Variants in RETREG1 observed in about 807,000 individuals in gnomAD.
RETREG1 encodes the protein reticulophagy regulator 1.
A neutral mutation model predicts 54.8 loss-of-function variants in RETREG1; 44 were observed. The ratio of observed to expected loss-of-function variants is 0.80; its 90% CI spans 0.63 to 1.03. The LOEUF (loss-of-function observed/expected upper bound fraction) is 1.03. Ranked by LOEUF, RETREG1 falls within the 50% of genes least tolerant of loss-of-function variation. The pLI is 0.00. For synonymous variants in RETREG1, 217 were observed against 238.5 expected (o/e 0.91, Z 0.83); for missense variants, 554 against 605.1 (o/e 0.92, Z 0.89).
chr5:16,476,914 CA>C (rs928177694), intron 8 of RETREG1, among the ~76,000 whole-genome samples: 1 of 151,296 alleles, frequency 6.6e-6, no homozygotes, highest in African/African-American at 2.4e-5. Flanking sequence ...AAGTCAGAAA[CA>C]AAAAAAATAA....
chr5:16,509,412 C>T (rs961975764), intron 3 of RETREG1: 1 of 152,212 alleles, frequency 6.6e-6, no homozygotes, highest in African/African-American at 2.4e-5. Flanking sequence ...CAGGACTTCC[C>T]TGTCCTTAGG....
At position 16,616,942 on chromosome 5, in the gene RETREG1, G is replaced by T. The variant is rs1240630913; in HGVS notation, c.30C>A (p.Ala10=). The change falls in exon 1 of 9, where the codon GCC becomes GCA. Residue 10 remains alanine, a synonymous_variant. Coordinates refer to ENST00000306320, the MANE Select transcript of RETREG1 (RefSeq NM_001034850.3). MASPAPPEH[A]EEGCPAPAAE... is the part of the protein sequence containing the mutation. ...CGGCAGGAGCCGGGCATCCCTCCTC[G>T]GCGTGCTCCGGAGGCGCCGGGCTCG... is the stretch of plus-strand genomic sequence containing the variant. 1.4e-6 allele frequency: 2 copies of T among 1,457,756 alleles called. No homozygotes were observed. The highest frequency in any genetic ancestry group is 1.5e-5 in the African/African-American group (1 of 67,732). 90.3% of individuals were successfully genotyped at this position (1,457,756 alleles called of 1,614,324 possible).
chr5:16,494,216 A>G (rs1447032755), intron 3 of RETREG1, among the ~76,000 whole-genome samples: 1 of 152,240 alleles, frequency 6.6e-6, no homozygotes, highest in Non-Finnish European at 1.5e-5. Flanking sequence ...ATAAGCTATT[A>G]TGTAAATAGT....
intron 1 of RETREG1, among the ~76,000 whole-genome samples, chr5:16,581,526 A>AACACACACAC (rs3993834): frequency 1.0e-4 from 15 of 143,728 alleles, no homozygotes; most frequent in African/African-American, 4.0e-4. Flanking sequence ...TCAGAAACAC[A>AACACACACAC]ACACACACAC....
At chr5:16,615,423 A>T (rs577801709) in intron 1 of RETREG1, among the ~76,000 whole-genome samples, 25 of 151,840 alleles carry the variant, frequency 1.6e-4, no homozygotes, top group African/African-American at 5.5e-4. Context: ...AAAGAAAGAA[A>T]GAAAGAAAAG....
intron 3 of RETREG1, among the ~76,000 whole-genome samples, chr5:16,529,956 G>A (rs1299547505): frequency 1.3e-5 from 2 of 152,156 alleles, no homozygotes; most frequent in Non-Finnish European, 2.9e-5. Flanking sequence ...CTTCCAAAGA[G>A]CAGCACCCTT....
rs773314283 is a variant in RETREG1, at chr5:16,616,954, A to T, written c.18T>A (p.Pro6=). Residue 6 remains proline, a synonymous_variant, in exon 1 of 9, where the codon CCT becomes CCA. Transcript: ENST00000306320. ...GGCATCCCTCCTCGGCGTGCTCCGG[A>T]GGCGCCGGGCTCGCCATCTTCAGCT... The part of the protein sequence containing the change: MASPA[P]PEHAEEGCPA... 4.9e-6 allele frequency: 7 copies of T among 1,438,040 alleles called. No homozygotes were observed. The highest frequency in any genetic ancestry group is 2.6e-5 in the Admixed American group (1 of 38,556). 89.1% of individuals were successfully genotyped at this position (1,438,040 alleles called of 1,614,324 possible).
chr5:16,473,121 T>G lies in RETREG1; in HGVS notation c.*1620A>C, dbSNP rs932059653. ...GTTATTGAATAAAATTCAGGTATATTCCTCCAAAACCCACACAGTTCAGAG... is the reference window on the plus strand; with the variant it reads ...GTTATTGAATAAAATTCAGGTATATGCCTCCAAAACCCACACAGTTCAGAG... On this transcript the variant is annotated 3_prime_UTR_variant, in exon 9 of 9. Coordinates refer to ENST00000306320, the MANE Select transcript of RETREG1 (RefSeq NM_001034850.3). 6.6e-6 allele frequency: 1 copy of G among 152,452 alleles called. No homozygotes were observed. The highest frequency in any genetic ancestry group is 1.5e-5 in the Non-Finnish European group (1 of 68,004). The allele number at this position is 152,452 out of a possible 1,614,324, so 9.4% of individuals were successfully genotyped here.
At chr5:16,579,238 C>A (rs1742419558) in intron 1 of RETREG1, among the ~76,000 whole-genome samples, 1 of 152,164 alleles carries the variant, frequency 6.6e-6, no homozygotes, top group East Asian at 1.9e-4. Context: ...AATCCTGTAT[C>A]CCTTCAGGAA....
At chr5:16,566,308 T>C (rs529447633) in intron 2 of RETREG1, among the ~76,000 whole-genome samples, 8 of 152,332 alleles carry the variant, frequency 5.3e-5, no homozygotes, top group African/African-American at 1.9e-4. Context: ...TTTTTATCTA[T>C]TCATTGTTTA....
intron 2 of RETREG1, among the ~76,000 whole-genome samples, chr5:16,568,757 C>T (rs1194959217): frequency 1.3e-5 from 2 of 152,138 alleles, no homozygotes; most frequent in Non-Finnish European, 2.9e-5. Flanking sequence ...AAGATGAAAA[C>T]GCTCTAGGGA....
At chr5:16,581,231 T>C (rs1338088087) in intron 1 of RETREG1, among the ~76,000 whole-genome samples, 1 of 152,108 alleles carries the variant, frequency 6.6e-6, no homozygotes, top group Admixed American at 6.5e-5. Flanking sequence ...GGGAGGCCAG[T>C]CGGAGGCAGG....
At position 16,482,185 on chromosome 5, in the gene RETREG1, T is replaced by C. The variant is rs528497420; in HGVS notation, c.586-1092A>G. Among the ~76,000 whole-genome samples the C allele has an allele frequency of 7.0e-4, 106 of 152,112 alleles. 1 individual carries two copies. Among genetic ancestry groups the C allele is most frequent in the Non-Finnish European group, 9.3e-4 (63 of 67,928 alleles). ...GGGCCCTTGAAAGAATCTGGAATTC[T>C]ATAAATGAAATGGAAAGGCCATAAA... On this transcript the variant is annotated intron_variant, in intron 4 of 8. Transcript: ENST00000306320.
intron 3 of RETREG1, among the ~76,000 whole-genome samples, chr5:16,545,673 G>C (rs371581099): frequency 2.0e-5 from 3 of 152,110 alleles, no homozygotes; most frequent in African/African-American, 7.2e-5. Flanking sequence ...ATTCCTAGGA[G>C]GCTTTAAGTT....
chr5:16,616,962 G>T lies in RETREG1; in HGVS notation c.10C>A (p.Pro4Thr). Residue 4 changes from proline (P) to threonine (T), a missense_variant, in exon 1 of 9, where the codon CCG (proline) becomes ACG (threonine). Pro to Thr is a conservative substitution (Grantham distance 38). This residue lies in a region of RETREG1 where 175 missense variants were observed against 142.1 expected (regional missense o/e 1.23). Transcript: ENST00000306320. Reference sequence around the variant, plus strand: ...TCCTCGGCGTGCTCCGGAGGCGCCGGGCTCGCCATCTTCAGCTGTGCTTCC... The same window carrying T: ...TCCTCGGCGTGCTCCGGAGGCGCCGTGCTCGCCATCTTCAGCTGTGCTTCC... MAS[P>T]APPEHAEEGC... The T allele has an allele frequency of 7.0e-7, 1 of 1,432,050 alleles. No individual in the cohort carries two copies. 88.7% of individuals were successfully genotyped at this position (1,432,050 alleles called of 1,614,324 possible).
At chr5:16,477,564 T>C (rs1738587131) in intron 8 of RETREG1, 98 bp downstream of exon 8, 2 of 1,114,964 alleles carry the variant, frequency 1.8e-6, no homozygotes, top group Non-Finnish European at 2.7e-6. Context: ...TGTGTAGATA[T>C]GGTGGTAACA....
At chr5:16,616,597 G>A (rs767113642) in intron 1 of RETREG1, 55 bp downstream of exon 1, 117 of 1,540,898 alleles carry the variant, frequency 7.6e-5, no homozygotes, top group Non-Finnish European at 9.9e-5. Flanking sequence ...CGGGGCCCCG[G>A]GCGCCCCAAG....
chr5:16,611,603 T>C (rs1743344001), intron 1 of RETREG1, among the ~76,000 whole-genome samples: 1 of 152,210 alleles, frequency 6.6e-6, no homozygotes, highest in Non-Finnish European at 1.5e-5. Flanking sequence ...CACAAAGATT[T>C]CTACGTGATG....
chr5:16,489,125 A>G (rs1171304460), intron 3 of RETREG1, among the ~76,000 whole-genome samples: 13 of 149,398 alleles, frequency 8.7e-5, no homozygotes, highest in Admixed American at 8.6e-4. Context: ...AGCAGACCTT[A>G]AAAGGATCAA....
Sources: gnomAD v4.1 joint callset for allele counts (sites outside exome capture counted in the v4.1 genomes callset) on GRCh38, gnomAD v4.1.1 for gene constraint, gnomAD v4.1.1 regional missense constraint, MANE v1.5 for transcripts, NCBI Gene and HGNC (gene_info 2026-07-23, HGNC 2026-07-21) for gene names.